DPP6: variants seen among roughly 807,000 people sequenced by gnomAD.
The protein encoded by DPP6 is dipeptidyl peptidase like 6.
In DPP6, 69 loss-of-function variants were observed where a neutral mutation model predicts 122.6. The ratio of observed to expected loss-of-function variants is 0.56; its 90% CI spans 0.46 to 0.69. The LOEUF (loss-of-function observed/expected upper bound fraction) is 0.69, where lower values mean the gene tolerates loss of function less well. Among genes scored for constraint, DPP6 ranks in the 30% least tolerant of loss-of-function variants. DPP6 has a pLI of 0.00. For synonymous variants in DPP6, 418 were observed against 433.1 expected (o/e 0.97, Z 0.43); for missense variants, 928 against 1,116.9 (o/e 0.83, Z 2.41).
In DPP6 at chr7:154,483,647, A is replaced by G. The variant is rs1462830922; in HGVS notation, c.457+8610A>G. ...TAGTCTTTAAGTTTCACTTTTCTTT[A>G]ATATAGGCATTTATGAGAAAAAGCC... is the stretch of plus-strand genomic sequence containing the variant. On this transcript the variant is annotated intron_variant, in intron 3 of 25. Transcript: ENST00000377770. The surrounding 1 kb of genome is among the most constrained non-coding windows in gnomAD (Gnocchi z 8.1). Among the ~76,000 whole-genome samples, 1 of 152,202 alleles carries G rather than the reference A, an allele frequency of 6.6e-6. No individual in the cohort carries two copies. The highest frequency in any genetic ancestry group is 1.9e-4 in the East Asian group (1 of 5,188).
intron 3 of DPP6, chr7:154,475,454 G>C (rs1822648446): frequency 8.4e-6 from 2 of 237,196 alleles, no homozygotes; most frequent in Non-Finnish European, 1.7e-5. Flanking sequence ...TAGGCAGAAG[G>C]ACCAAAAGCA....
At chr7:153,892,627 G>A (rs921599883) in intron 1 of DPP6, among the ~76,000 whole-genome samples, 11 of 152,034 alleles carry the variant, frequency 7.2e-5, no homozygotes, top group African/African-American at 2.2e-4. Context: ...GAAGTCTGTG[G>A]GGACAGCATT....
At position 154,211,073 on chromosome 7, in the gene DPP6, C is replaced by T. The variant is rs74550109; in HGVS notation, c.243+158010C>T. On this transcript the variant is annotated intron_variant, in intron 1 of 25. Transcript: ENST00000377770. ...CAGCTGGCACAGGTCATAGGAACCC[C>T]GGGGTCTCAGCACTTCCCAGATGCC... Among the ~76,000 whole-genome samples, 59 of 152,304 alleles carry T rather than the reference C, an allele frequency of 3.9e-4. No individual in the cohort carries two copies. In the East Asian group the frequency reaches 0.011, roughly 27 times the overall value.
intron 5 of DPP6, among the ~76,000 whole-genome samples, chr7:154,636,344 C>T (rs2130031): frequency 0.069 from 10,445 of 152,224 alleles, 1,172 homozygotes; most frequent in African/African-American, 0.24. Flanking sequence ...CCTCTCTGAG[C>T]GGTGACCTGC....
intron 1 of DPP6, among the ~76,000 whole-genome samples, chr7:153,999,960 C>CAAAG (rs749822103): frequency 3.0e-4 from 45 of 147,884 alleles, no homozygotes; most frequent in East Asian, 2.0e-3. Flanking sequence ...ACCCCCATCT[C>CAAAG]AAAGAAAGAA....
chr7:153,926,704 T>C (rs1800916187), intron 1 of DPP6, among the ~76,000 whole-genome samples: 1 of 151,496 alleles, frequency 6.6e-6, no homozygotes. Flanking sequence ...ACATGGACAG[T>C]GATCAGAGAA....
chr7:153,945,468 A>T (rs765288977), intron 1 of DPP6, among the ~76,000 whole-genome samples: 17 of 152,130 alleles, frequency 1.1e-4, no homozygotes, highest in Non-Finnish European at 2.4e-4. Flanking sequence ...GAGGATGGGT[A>T]TGTTTTGAGA....
intron 14 of DPP6, 59 bp from the exon 15 acceptor site, chr7:154,804,858 G>T: frequency 6.4e-7 from 1 of 1,564,090 alleles, no homozygotes; most frequent in Admixed American, 1.9e-5. Context: ...TGCCAGGAAT[G>T]TGAAGTGCAG....
chr7:154,668,447 C>G (rs1838339445), intron 6 of DPP6, among the ~76,000 whole-genome samples: 4 of 151,486 alleles, frequency 2.6e-5, no homozygotes, highest in Admixed American at 2.0e-4. Context: ...GTCTCGATCT[C>G]CTGACCTCGT....
At chr7:154,248,878 AAAG>A (rs1802164536) in intron 1 of DPP6, among the ~76,000 whole-genome samples, 1 of 152,032 alleles carries the variant, frequency 6.6e-6, no homozygotes, top group South Asian at 2.1e-4. Flanking sequence ...GAAAAAAAAA[AAAG>A]AAAAGGCATT....
intron 1 of DPP6, among the ~76,000 whole-genome samples, chr7:154,071,697 G>A (rs201929314): frequency 2.6e-5 from 4 of 152,208 alleles, no homozygotes; most frequent in East Asian, 1.9e-4. Context: ...ATTTTTCTCC[G>A]CTAAAAACAT....
chr7:154,261,778 CAT>C (rs1240959684), intron 1 of DPP6, among the ~76,000 whole-genome samples: 1 of 152,092 alleles, frequency 6.6e-6, no homozygotes, highest in African/African-American at 2.4e-5. Context: ...GGCCAACAAA[CAT>C]ATGAAAAAAT....
chr7:153,996,472 A>G (rs1328091338), intron 1 of DPP6, among the ~76,000 whole-genome samples: 2 of 151,732 alleles, frequency 1.3e-5, no homozygotes, highest in East Asian at 3.9e-4. Flanking sequence ...GCAGATAGAC[A>G]TGGCACTTCC....
At chr7:154,304,122 G>A (rs4726403) in intron 1 of DPP6, among the ~76,000 whole-genome samples, 79,081 of 152,080 alleles carry the variant, frequency 0.52, 22,643 homozygotes, top group African/African-American at 0.78. Context: ...ATAAATGGCT[G>A]AACTCTCAGG....
At chr7:154,147,546 C>G (rs1258518702) in intron 1 of DPP6, among the ~76,000 whole-genome samples, 3 of 151,750 alleles carry the variant, frequency 2.0e-5, no homozygotes, top group African/African-American at 7.3e-5. Flanking sequence ...ATGGTGCAAT[C>G]TCAGCTCACT....
At chr7:154,129,839 G>A (rs1174888078) in intron 1 of DPP6, among the ~76,000 whole-genome samples, 4 of 151,916 alleles carry the variant, frequency 2.6e-5, no homozygotes, top group Admixed American at 6.6e-5. Flanking sequence ...GGCAGAGCTT[G>A]CAGTGAGCTG....
intron 6 of DPP6, among the ~76,000 whole-genome samples, chr7:154,645,666 A>T (rs996307686): frequency 5.9e-5 from 9 of 152,238 alleles, no homozygotes; most frequent in Middle Eastern, 6.8e-3. Context: ...CATGGGGTTT[A>T]TGGTGAAGTT....
intron 1 of DPP6, among the ~76,000 whole-genome samples, chr7:154,394,595 T>C (rs1814920132): frequency 6.6e-6 from 1 of 152,280 alleles, no homozygotes; most frequent in South Asian, 2.1e-4. Context: ...TTTCTCGAAG[T>C]CCTATTTGTT....
At chr7:153,951,797 C>G (rs1802229445) in intron 1 of DPP6, among the ~76,000 whole-genome samples, 1 of 152,142 alleles carries the variant, frequency 6.6e-6, no homozygotes, top group Non-Finnish European at 1.5e-5. Context: ...AATCCTGGCA[C>G]TTTGGGAGGC....
Sources: gnomAD v4.1 joint callset for allele counts (sites outside exome capture counted in the v4.1 genomes callset) on GRCh38, gnomAD v4.1.1 for gene constraint, Gnocchi (gnomAD v3.1) non-coding constraint, MANE v1.5 for transcripts, NCBI Gene and HGNC (gene_info 2026-07-23, HGNC 2026-07-21) for gene names.